Variants in SPTBN5 observed in about 807,000 individuals in gnomAD.
The protein encoded by SPTBN5 is spectrin beta, non-erythrocytic 5.
In SPTBN5, 513 loss-of-function variants were observed where a neutral mutation model predicts 477.6. The ratio of observed to expected loss-of-function variants is 1.07; its 90% CI spans 1.00 to 1.16. The LOEUF (loss-of-function observed/expected upper bound fraction) is 1.16. Among genes scored for constraint, SPTBN5 ranks in the 50% most tolerant of loss-of-function variants. The pLI, the probability that SPTBN5 is intolerant of heterozygous loss-of-function variation, is 0.00. For missense variants in SPTBN5, 5,062 were observed against 4,731.8 expected, an observed-to-expected ratio of 1.07 and a Z score of -2.05; for synonymous variants, 2,169 against 2,011.7, an observed-to-expected ratio of 1.08 and a Z score of -2.09.
At chr15:41,882,196 G>C in intron 11 of SPTBN5, 51 bp from the exon 12 acceptor site, 2 of 1,483,058 alleles carry the variant, frequency 1.3e-6, no homozygotes, top group Non-Finnish European at 1.8e-6. Context: ...GGCTGAGCGC[G>C]GGCAGGTGCT....
At chr15:41,882,237 GCCCCCA>G in intron 11 of SPTBN5, 26 bp downstream of exon 11, 1 of 357,960 alleles carries the variant, frequency 2.8e-6, no homozygotes, top group Non-Finnish European at 3.8e-6. Context: ...GCCGGGCCCC[GCCCCCA>G]CCCCGCCTCC....
chr15:41,849,083 G>A (rs2065656766), intron 67 of SPTBN5, among the ~76,000 whole-genome samples: 1 of 152,222 alleles, frequency 6.6e-6, no homozygotes, highest in Middle Eastern at 3.2e-3. Flanking sequence ...ATATGCGTGT[G>A]CACATCTAGG....
Position 41,874,305 on chromosome 15 carries a change from T to C in SPTBN5, c.4676A>G (p.His1559Arg). 2 of 1,611,524 alleles carry C rather than the reference T, an allele frequency of 1.2e-6. No homozygotes were observed. The highest frequency in any genetic ancestry group is 1.7e-6 in the Non-Finnish European group (2 of 1,178,846). ...TECLNGAQSL[H>R]RKHKELQVEV... ...GAGGGCTATTACCTTGTGCTTGCGG[T>C]GAAGGCTCTGGGCACCATTCAAGCA... Residue 1559 changes from histidine to arginine, a missense_variant, in exon 24 of 68, where the codon CAC (histidine) becomes CGC (arginine). His to Arg is a conservative substitution (Grantham distance 29). Coordinates refer to ENST00000320955, the MANE Select transcript of SPTBN5 (RefSeq NM_016642.4).
intron 32 of SPTBN5, among the ~76,000 whole-genome samples, chr15:41,869,350 C>T (rs2066451828): frequency 6.6e-6 from 1 of 152,238 alleles, no homozygotes; most frequent in Non-Finnish European, 1.5e-5. Flanking sequence ...CACCCCGTGG[C>T]CAGGACCTAC....
rs377236170 is a variant in SPTBN5 at position 41,879,306 on chromosome 15, G to A, written c.3136C>T (p.Leu1046=). The change falls in exon 16 of 68, where the codon CTG becomes TTG. Residue 1046 remains leucine, a synonymous_variant. Coordinates refer to ENST00000320955, the MANE Select transcript of SPTBN5 (RefSeq NM_016642.4). ...AAGTGGACCCTCCTCTCCAGCACCA[G>A]GGTCTTCTTCTGGGCCAGCTGCAGG... is the stretch of plus-strand genomic sequence containing the variant. The part of the protein sequence containing the change: ...HALQLAQKKT[L]VLERRVHFLQ... The A allele has an allele frequency of 2.2e-4, 359 of 1,611,774 alleles. 2 individuals carry two copies. In the South Asian group the frequency reaches 2.3e-3, roughly 10 times the overall value.
Position 41,848,485 on chromosome 15 carries a change from G to C in SPTBN5, c.*131C>G. On this transcript the variant is annotated 3_prime_UTR_variant, in exon 68 of 68. Coordinates refer to ENST00000320955, the MANE Select transcript of SPTBN5 (RefSeq NM_016642.4). Reference sequence around the variant, plus strand: ...CCAGAAGGAACTGTCTATTCCAGAAGCTGGGCCTGGGGAACTGGGTTGAAG... The same window carrying C: ...CCAGAAGGAACTGTCTATTCCAGAACCTGGGCCTGGGGAACTGGGTTGAAG... 1 of 1,050,724 alleles carries C rather than the reference G, an allele frequency of 9.5e-7. No homozygotes were observed. The highest frequency in any genetic ancestry group is 1.3e-5 in the South Asian group (1 of 79,068). The allele number at this position is 1,050,724 out of a possible 1,614,324, so 65.1% of individuals were successfully genotyped here. A position where few individuals can be genotyped will look rare whatever the true frequency, so the allele number is the denominator to read the frequency against.
rs1005181347 is a variant in SPTBN5 at position 41,850,741 on chromosome 15, G to A, written c.10921+113C>T. 4 of 902,828 alleles carry A rather than the reference G, an allele frequency of 4.4e-6. No homozygotes were observed. In the African/African-American group the frequency reaches 5.0e-5, roughly 11 times the overall value. The allele number at this position is 902,828 out of a possible 1,614,324, so 55.9% of individuals were successfully genotyped here. A position where few individuals can be genotyped will look rare whatever the true frequency, so the allele number is the denominator to read the frequency against. ...AAAACAGTAAGTCCCACTTCTTGGAGGTTAGAGATGCTAACTGTGAAACCT... is the reference window on the plus strand; with the variant it reads ...AAAACAGTAAGTCCCACTTCTTGGAAGTTAGAGATGCTAACTGTGAAACCT... On this transcript the variant is annotated intron_variant, in intron 66 of 67. Transcript: ENST00000320955.
intron 63 of SPTBN5, 112 bp from the exon 64 acceptor site, chr15:41,851,481 A>G (rs998887030): frequency 2.5e-6 from 2 of 794,892 alleles, no homozygotes; most frequent in Admixed American, 2.5e-5. Flanking sequence ...GGTGGATTGG[A>G]CCAAAGTCCC....
At position 41,876,532 on chromosome 15, in the gene SPTBN5, G is replaced by C. The variant is rs1194382531; in HGVS notation, c.3951+16C>G. On this transcript the variant is annotated intron_variant, in intron 20 of 67. Transcript: ENST00000320955. ...TTTTCAGGGAGGCGTCATGCGACCT[G>C]GGCCCAGACCCTCACCTGGAGCTGG... is the stretch of plus-strand genomic sequence containing the variant. The C allele has an allele frequency of 6.3e-7, 1 of 1,576,616 alleles. No individual in the cohort carries two copies. Among genetic ancestry groups the C allele is most frequent in the Non-Finnish European group, 8.6e-7 (1 of 1,160,710 alleles).
chr15:41,871,758 C>A lies in SPTBN5; in HGVS notation c.5301+24G>T, dbSNP rs770600054. The stretch of plus-strand genomic sequence containing the variant: ...CATAGGCTCTGCCTCAGGGCACCCT[C>A]CTTGACCCTGGCCCTCTTCTCACCA... On this transcript the variant is annotated intron_variant, in intron 28 of 67. Transcript: ENST00000320955. 8 of 1,541,342 alleles carry A rather than the reference C, an allele frequency of 5.2e-6. No homozygotes were observed. The East Asian group carries it at 1.4e-4, about 28-fold the overall frequency.
At chr15:41,850,787 T>G (rs1175165565) in intron 66 of SPTBN5, 67 bp downstream of exon 66, 16 of 1,381,932 alleles carry the variant, frequency 1.2e-5, no homozygotes, top group Non-Finnish European at 1.5e-5. Context: ...CATAAAACAC[T>G]AGGGGCCCAG....
intron 62 of SPTBN5, 115 bp from the exon 63 acceptor site, chr15:41,851,965 C>T: frequency 1.0e-6 from 1 of 977,500 alleles, no homozygotes; most frequent in Non-Finnish European, 1.5e-6. Flanking sequence ...CTAACCAGGC[C>T]TGACCCTGCT....
chr15:41,859,113 T>C, intron 47 of SPTBN5, 133 bp from the exon 48 acceptor site: 2 of 616,792 alleles, frequency 3.2e-6, no homozygotes, highest in Non-Finnish European at 5.2e-6. Context: ...TACATTGCAC[T>C]CCCCCTCTGT....
At chr15:41,850,173 GTGAGT>G in intron 66 of SPTBN5, 1 of 566,274 alleles carries the variant, frequency 1.8e-6, no homozygotes, top group East Asian at 2.9e-5. Context: ...CTCCTCACAG[GTGAGT>G]TAAGAAAGGC....
At chr15:41,865,971 G>A in intron 38 of SPTBN5, 67 bp downstream of exon 38, 1 of 1,545,270 alleles carries the variant, frequency 6.5e-7, no homozygotes, top group Non-Finnish European at 8.8e-7. Flanking sequence ...CCTGCTGCTG[G>A]GGATCCCTCC....
At position 41,876,649 on chromosome 15, in the gene SPTBN5, T is replaced by C. The variant is rs750056502; in HGVS notation, c.3852-2A>G. ...ATACTCTGCAGCTGCTCTCTGACCC[T>C]GGAGGGCGGGGGGGGGTTGGAGGAG... On this transcript the variant is annotated splice_acceptor_variant, in intron 19 of 67. Coordinates refer to ENST00000320955, the MANE Select transcript of SPTBN5 (RefSeq NM_016642.4). LOFTEE classifies it high-confidence loss of function. 4.5e-5 allele frequency: 22 copies of C among 488,562 alleles called. No individual in the cohort carries two copies. Among genetic ancestry groups the C allele is most frequent in the Non-Finnish European group, 7.0e-5 (21 of 298,708 alleles). The allele number at this position is 488,562 out of a possible 1,614,324, so 30.3% of individuals were successfully genotyped here.
chr15:41,855,857 G>A (rs1035677858), intron 53 of SPTBN5, 112 bp from the exon 54 acceptor site: 62 of 1,183,958 alleles, frequency 5.2e-5, no homozygotes, highest in South Asian at 1.1e-4. Flanking sequence ...GAGCTGTCAC[G>A]CTCCCTCAGC....
At position 41,852,970 on chromosome 15, in the gene SPTBN5, G is replaced by A. The variant is rs572291138; in HGVS notation, c.10201C>T (p.Arg3401Trp). 4.4e-5 allele frequency: 69 copies of A among 1,559,976 alleles called. No individual in the cohort carries two copies. Among genetic ancestry groups the A allele is most frequent in the African/African-American group, 6.8e-5 (5 of 73,574 alleles). The change falls in exon 60 of 68, where the codon CGG becomes TGG. Residue 3401 changes from arginine (R) to tryptophan (W), a missense_variant. By Grantham distance (101) the Arg-to-Trp change is moderately radical (BLOSUM62 -3). Transcript: ENST00000320955. ...CAAGCCTCCTCCAGCTCCTGCAGCC[G>A]CCCTTCCAGCTCCTGCAGGCACTCT... The part of the protein sequence containing the change: ...VTECLQELEG[R>W]LQELEEAWAL...
intron 51 of SPTBN5, 57 bp from the exon 52 acceptor site, chr15:41,857,096 G>A (rs2065947275): frequency 6.5e-7 from 1 of 1,540,824 alleles, no homozygotes; most frequent in East Asian, 2.4e-5. Context: ...CAGTATTAGG[G>A]ATACCTGGTG....
Sources: allele counts gnomAD v4.1 joint callset (sites outside exome capture counted in the v4.1 genomes callset), GRCh38; gene constraint gnomAD v4.1.1; transcripts MANE v1.5; gene names NCBI Gene and HGNC (gene_info 2026-07-23, HGNC 2026-07-21).